The following NAA15 variants were observed in gnomAD, a reference collection of about 807,000 sequenced individuals.
The protein encoded by NAA15 is N-terminal acetyltransferase.
NAA15 carries 34 observed loss-of-function variants against 114.0 expected under a neutral mutation model. The ratio of observed to expected loss-of-function variants is 0.30; its 90% CI spans 0.23 to 0.40. The LOEUF (loss-of-function observed/expected upper bound fraction) is 0.40, where lower values mean the gene tolerates loss of function less well. NAA15 is among the 10% of genes least tolerant of loss of function. The pLI, the probability that NAA15 is intolerant of heterozygous loss-of-function variation, is 1.00. For synonymous variants in NAA15, 340 were observed against 338.0 expected (o/e 1.01, Z -0.06); for missense variants, 658 against 1,004.5 (o/e 0.66, Z 4.66).
At chr4:139,304,860 C>G (rs915525105) in intron 1 of NAA15, among the ~76,000 whole-genome samples, 1 of 152,110 alleles carries the variant, frequency 6.6e-6, no homozygotes, top group Non-Finnish European at 1.5e-5. Context: ...CATCCCCTCT[C>G]GCTGCAGGCT....
At chr4:139,367,230 A>T (rs1235464910) in intron 14 of NAA15, among the ~76,000 whole-genome samples, 1 of 152,220 alleles carries the variant, frequency 6.6e-6, no homozygotes, top group African/African-American at 2.4e-5. Flanking sequence ...TCCATCCTCA[A>T]GTCCAGTGGG....
rs764056821 is a variant in NAA15 at position 139,301,851 on chromosome 4, C to T, written c.54+20C>T. The T allele has an allele frequency of 6.3e-7, 1 of 1,580,642 alleles. No individual in the cohort carries two copies. The highest frequency in any genetic ancestry group is 8.6e-7 in the Non-Finnish European group (1 of 1,162,070). ...ATCTTGGTAAGTGTGAGGCTCCGGG[C>T]AAGCGGTGGGGAGGATTTAGCCGGT... is the stretch of plus-strand genomic sequence containing the variant. On this transcript the variant is annotated intron_variant, in intron 1 of 19. Transcript: ENST00000296543.
chr4:139,323,397 T>G (rs1746689398), intron 1 of NAA15, among the ~76,000 whole-genome samples: 3 of 152,192 alleles, frequency 2.0e-5, no homozygotes, highest in Non-Finnish European at 4.4e-5. Flanking sequence ...TTTTGCCATG[T>G]TGGCCAGACT....
intron 6 of NAA15, among the ~76,000 whole-genome samples, chr4:139,349,155 GGAGT>G (rs2110929198): frequency 6.6e-6 from 1 of 152,272 alleles, no homozygotes; most frequent in East Asian, 1.9e-4. Flanking sequence ...GAATAATTGA[GGAGT>G]AGAAGATGGC....
chr4:139,313,436 A>G (rs1295594714), intron 1 of NAA15, among the ~76,000 whole-genome samples: 1 of 151,880 alleles, frequency 6.6e-6, no homozygotes, highest in Non-Finnish European at 1.5e-5. Flanking sequence ...GCCAGATTTT[A>G]TGCTAGACTT....
intron 14 of NAA15, among the ~76,000 whole-genome samples, chr4:139,363,916 T>C (rs1387932510): frequency 1.3e-5 from 2 of 152,264 alleles, no homozygotes; most frequent in African/African-American, 4.8e-5. Context: ...GATCTCATAC[T>C]TTTGCCCAGT....
intron 1 of NAA15, among the ~76,000 whole-genome samples, chr4:139,320,812 C>T (rs924736811): frequency 3.3e-5 from 5 of 152,128 alleles, no homozygotes; most frequent in African/African-American, 9.7e-5. Context: ...TGAGCCTCTG[C>T]GTCTGGCCTC....
chr4:139,376,587 A>G (rs1748588417), intron 16 of NAA15, 114 bp downstream of exon 16: 1 of 692,530 alleles, frequency 1.4e-6, no homozygotes, highest in South Asian at 1.7e-5. Context: ...ATGCCAACGC[A>G]GCTTTCTCAC....
At chr4:139,302,982 A>T (rs1745860961) in intron 1 of NAA15, among the ~76,000 whole-genome samples, 1 of 152,248 alleles carries the variant, frequency 6.6e-6, no homozygotes. Context: ...TGAAAGTGTT[A>T]GCCTTTTCCC....
chr4:139,349,648 T>G, intron 7 of NAA15, 67 bp downstream of exon 7: 3 of 1,433,332 alleles, frequency 2.1e-6, no homozygotes, highest in Non-Finnish European at 2.8e-6. Context: ...ATTTACTCAT[T>G]GAAAAGCACA....
chr4:139,385,459 G>A (rs1259081023), intron 18 of NAA15, among the ~76,000 whole-genome samples: 2 of 151,562 alleles, frequency 1.3e-5, no homozygotes, highest in East Asian at 3.9e-4. Context: ...AATGAAGGTA[G>A]AGCTTTCTTT....
intron 11 of NAA15, among the ~76,000 whole-genome samples, chr4:139,357,929 T>C (rs932033166): frequency 1.3e-5 from 2 of 152,342 alleles, no homozygotes; most frequent in African/African-American, 2.4e-5. Context: ...GGCAATGTTA[T>C]TGAGATGAAA....
At chr4:139,323,391 G>T (rs1371111549) in intron 1 of NAA15, among the ~76,000 whole-genome samples, 1 of 151,840 alleles carries the variant, frequency 6.6e-6, no homozygotes, top group South Asian at 2.1e-4. Flanking sequence ...ACGGGGTTTT[G>T]CCATGTTGGC....
chr4:139,385,299 T>TTATATATATATATATATAA (rs1748879719), intron 18 of NAA15, among the ~76,000 whole-genome samples: 1 of 94,896 alleles, frequency 1.1e-5, no homozygotes, highest in East Asian at 2.4e-4. Flanking sequence ...TATATATATA[T>TTATATATATATATATATAA]AATATATATT....
intron 14 of NAA15, among the ~76,000 whole-genome samples, chr4:139,366,864 C>T (rs1430677337): frequency 1.3e-5 from 2 of 152,274 alleles, no homozygotes; most frequent in Middle Eastern, 3.4e-3. Context: ...TTGCCTTGGC[C>T]TCCCAAAGTG....
At chr4:139,314,178 A>G (rs1381476736) in intron 1 of NAA15, among the ~76,000 whole-genome samples, 1 of 151,938 alleles carries the variant, frequency 6.6e-6, no homozygotes, top group African/African-American at 2.4e-5. Context: ...AAGTGGAGAA[A>G]GTCAGGTTAT....
At chr4:139,352,060 T>C (rs1420983278) in intron 9 of NAA15, among the ~76,000 whole-genome samples, 1 of 152,132 alleles carries the variant, frequency 6.6e-6, no homozygotes, top group East Asian at 1.9e-4. Flanking sequence ...GCTTACTCTT[T>C]CAGCTACATG....
chr4:139,361,677 A>C, intron 13 of NAA15, 47 bp from the exon 14 acceptor site: 1 of 1,166,950 alleles, frequency 8.6e-7, no homozygotes, highest in Non-Finnish European at 1.2e-6. Flanking sequence ...TAGTTTTCTT[A>C]GCCATTGCTG....
At chr4:139,374,997 A>G (rs1484399112) in intron 15 of NAA15, among the ~76,000 whole-genome samples, 3 of 152,154 alleles carry the variant, frequency 2.0e-5, no homozygotes, top group Non-Finnish European at 4.4e-5. Flanking sequence ...CTGATAGTAA[A>G]TTACCCTGGT....
Sources: gnomAD v4.1 joint callset for allele counts (sites outside exome capture counted in the v4.1 genomes callset) on GRCh38, gnomAD v4.1.1 for gene constraint, MANE v1.5 for transcripts, NCBI Gene and HGNC (gene_info 2026-07-23, HGNC 2026-07-21) for gene names.